The following FOCAD variants were observed in gnomAD, a reference collection of about 807,000 sequenced individuals.
FOCAD encodes the protein focadhesin.
Under a neutral mutation model 225.6 loss-of-function variants are expected in FOCAD, and 198 were observed. The observed-to-expected ratio is 0.88, with a 90% CI of 0.78 to 0.99. The LOEUF (loss-of-function observed/expected upper bound fraction) is 0.99. FOCAD is among the 50% of genes least tolerant of loss of function. The probability of loss-of-function intolerance (pLI) is 0.00; values close to 1 mark genes in which losing one functional copy is unlikely to be tolerated. For missense variants in FOCAD, 2,713 were observed against 2,123.6 expected, an observed-to-expected ratio of 1.28 and a Z score of -5.46; for synonymous variants, 897 against 755.0, an observed-to-expected ratio of 1.19 and a Z score of -3.08.
intron 35 of FOCAD, among the ~76,000 whole-genome samples, chr9:20,967,808 A>G (rs1457158777): frequency 6.6e-6 from 1 of 152,066 alleles, no homozygotes; most frequent in African/African-American, 2.4e-5. Flanking sequence ...CAAACTTTGC[A>G]TTCCTGGGAT....
At chr9:20,769,482 C>T (rs1817965575) in intron 7 of FOCAD, among the ~76,000 whole-genome samples, 1 of 152,190 alleles carries the variant, frequency 6.6e-6, no homozygotes, top group South Asian at 2.1e-4. Flanking sequence ...CAGGTCCTTC[C>T]TATCTAATAC....
chr9:20,758,188 A>G lies in FOCAD; in HGVS notation c.491A>G (p.Glu164Gly), dbSNP rs376024522. ...QLTAFFQQCP[E>G]RLEVSCIQIM... Reference sequence around the variant, plus strand: ...ACAGCGTTTTTCCAGCAGTGCCCTGAAAGGTAATGTAAAATAAAAGTGTAA... The same window carrying G: ...ACAGCGTTTTTCCAGCAGTGCCCTGGAAGGTAATGTAAAATAAAAGTGTAA... The change falls in exon 6 of 44, where the codon GAA becomes GGA. Residue 164 changes from glutamate (E) to glycine (G), a missense_variant. Physicochemically the swap from Glu to Gly is moderately conservative, Grantham distance 98 (BLOSUM62 -2). Coordinates refer to ENST00000338382, the MANE Select transcript of FOCAD (RefSeq NM_001375567.1). The G allele has an allele frequency of 1.3e-5, 21 of 1,609,606 alleles. No homozygotes were observed. In the African/African-American group the frequency reaches 2.0e-4, roughly 15 times the overall value.
At chr9:20,920,678 T>A (rs550910722) in intron 24 of FOCAD, among the ~76,000 whole-genome samples, 2 of 151,012 alleles carry the variant, frequency 1.3e-5, no homozygotes, top group Non-Finnish European at 2.9e-5. Context: ...ATGGATGAAA[T>A]TGGAAATCAT....
Position 20,789,574 on chromosome 9 carries a change from T to C in FOCAD, c.1421T>C (p.Val474Ala). 6.2e-7 allele frequency: 1 copy of C among 1,613,880 alleles called. No homozygotes were observed. The highest frequency in any genetic ancestry group is 1.1e-5 in the South Asian group (1 of 91,070). Residue 474 changes from valine (V) to alanine (A), a missense_variant, in exon 11 of 44, where the codon GTC becomes GCC. Coordinates refer to ENST00000338382, the MANE Select transcript of FOCAD (RefSeq NM_001375567.1). ...KGQNLHQILK[V>A]TTELAQADSS... ...CAAAATCTTCACCAAATACTCAAGG[T>C]CACTACAGAATTAGCCCAAGCAGAT...
intron 15 of FOCAD, among the ~76,000 whole-genome samples, chr9:20,836,117 G>A (rs1426553708): frequency 6.6e-6 from 1 of 152,076 alleles, no homozygotes; most frequent in Non-Finnish European, 1.5e-5. Context: ...GGCTCCTTTG[G>A]AGCACTATGG....
At chr9:20,733,618 G>A (rs1826894475) in intron 4 of FOCAD, among the ~76,000 whole-genome samples, 2 of 151,988 alleles carry the variant, frequency 1.3e-5, no homozygotes, top group East Asian at 1.9e-4. Flanking sequence ...TTGGTTTTTT[G>A]TCCTTGCGAT....
At chr9:20,957,328 G>A (rs1008718055) in intron 35 of FOCAD, among the ~76,000 whole-genome samples, 4 of 151,786 alleles carry the variant, frequency 2.6e-5, no homozygotes, top group Non-Finnish European at 2.9e-5. Context: ...TTAATTGTTG[G>A]GATTACAGGC....
chr9:20,944,862 C>T, intron 29 of FOCAD, 88 bp downstream of exon 29: 1 of 1,333,944 alleles, frequency 7.5e-7, no homozygotes, highest in Non-Finnish European at 1.0e-6. Flanking sequence ...ATTTTGGTAA[C>T]CCTATAAATT....
At chr9:20,957,473 C>CTTTTTTTTTTTTTTTTTT (rs1434022347) in intron 35 of FOCAD, 3 of 49,472 alleles carry the variant, frequency 6.1e-5, no homozygotes, top group East Asian at 1.1e-3. Context: ...AACATCTTTT[C>CTTTTTTTTTTTTTTTTTT]TTTTCTTTTT....
intron 1 of FOCAD, among the ~76,000 whole-genome samples, chr9:20,705,924 G>GTT (rs59407171): frequency 0.012 from 1,231 of 106,792 alleles, 74 homozygotes; most frequent in African/African-American, 0.036. Context: ...TCAGTTTTAA[G>GTT]TTTTTTTTTT....
chr9:20,757,120 G>T (rs1479711643), intron 5 of FOCAD, among the ~76,000 whole-genome samples: 1 of 152,066 alleles, frequency 6.6e-6, no homozygotes, highest in African/African-American at 2.4e-5. Flanking sequence ...GTAGAGACAG[G>T]GTTTCTCCAT....
chr9:20,843,085 T>C (rs943997640), intron 15 of FOCAD, among the ~76,000 whole-genome samples: 1 of 152,042 alleles, frequency 6.6e-6, no homozygotes, highest in Admixed American at 6.6e-5. Flanking sequence ...GATGTTGGTA[T>C]TATTTTTGAT....
At chr9:20,870,952 C>T (rs1190919815) in intron 18 of FOCAD, among the ~76,000 whole-genome samples, 1 of 152,038 alleles carries the variant, frequency 6.6e-6, no homozygotes, top group Non-Finnish European at 1.5e-5. Context: ...CCTGTAATCC[C>T]AGCACTTTGG....
intron 11 of FOCAD, among the ~76,000 whole-genome samples, chr9:20,804,036 A>G (rs1440459230): frequency 6.6e-6 from 1 of 152,112 alleles, no homozygotes; most frequent in Non-Finnish European, 1.5e-5. Context: ...TTCAGTGGGC[A>G]TTGATTGATA....
chr9:20,973,139 GCTT>G (rs1839910490), intron 35 of FOCAD, among the ~76,000 whole-genome samples: 1 of 149,092 alleles, frequency 6.7e-6, no homozygotes, highest in Admixed American at 6.7e-5. Context: ...TGTGGCCTCT[GCTT>G]CTCCTTGTTC....
At chr9:20,840,200 T>A (rs1564057827) in intron 15 of FOCAD, among the ~76,000 whole-genome samples, 3 of 152,094 alleles carry the variant, frequency 2.0e-5, no homozygotes, top group Non-Finnish European at 4.4e-5. Flanking sequence ...GTGAAGAATG[T>A]CTTTGTTATT....
intron 2 of FOCAD, among the ~76,000 whole-genome samples, chr9:20,676,139 A>G (rs899950286): frequency 1.3e-5 from 2 of 152,216 alleles, no homozygotes; most frequent in African/African-American, 4.8e-5. Context: ...GCCCATTGTT[A>G]CTTACTATGC....
At chr9:20,768,303 A>G (rs907769840) in intron 7 of FOCAD, among the ~76,000 whole-genome samples, 5 of 151,562 alleles carry the variant, frequency 3.3e-5, no homozygotes, top group African/African-American at 4.8e-5. Context: ...TGACTTGGCG[A>G]TGCGGGCTCT....
chr9:20,777,761 AAT>A (rs1279079092), intron 8 of FOCAD, among the ~76,000 whole-genome samples: 1 of 152,176 alleles, frequency 6.6e-6, no homozygotes, highest in East Asian at 1.9e-4. Context: ...TCAGAAATGA[AAT>A]ATTATTAAAT....
Sources: gnomAD v4.1 joint callset for allele counts (sites outside exome capture counted in the v4.1 genomes callset) on GRCh38, gnomAD v4.1.1 for gene constraint, MANE v1.5 for transcripts, NCBI Gene and HGNC (gene_info 2026-07-23, HGNC 2026-07-21) for gene names.